CDH18: variants seen among roughly 807,000 people sequenced by gnomAD.
CDH18 encodes cadherin 18.
A neutral mutation model predicts 67.9 loss-of-function variants in CDH18; 31 were observed. The ratio of observed to expected loss-of-function variants is 0.46; its 90% confidence interval spans 0.34 to 0.62. CDH18 has a LOEUF of 0.62. Ranked by LOEUF, CDH18 falls within the 20% of genes least tolerant of loss-of-function variation. The probability of loss-of-function intolerance (pLI) is 0.01; values close to 1 mark genes in which losing one functional copy is unlikely to be tolerated. For synonymous variants in CDH18, 362 were observed against 347.2 expected (o/e 1.04, Z -0.48); for missense variants, 890 against 975.5 (o/e 0.91, Z 1.17).
intron 2 of CDH18, among the ~76,000 whole-genome samples, chr5:20,074,687 C>T (rs1743769576): frequency 6.6e-6 from 1 of 151,282 alleles, no homozygotes; most frequent in African/African-American, 2.4e-5. Flanking sequence ...ATCAGAATCT[C>T]ACCACCACAT....
intron 1 of CDH18, among the ~76,000 whole-genome samples, chr5:20,361,967 A>G (rs1742123953): frequency 6.6e-6 from 1 of 152,168 alleles, no homozygotes; most frequent in Non-Finnish European, 1.5e-5. Context: ...ATTTTAATTG[A>G]CTGTAAACCA....
intron 6 of CDH18, among the ~76,000 whole-genome samples, chr5:19,599,104 A>C (rs1746645951): frequency 6.6e-6 from 1 of 152,124 alleles, no homozygotes; most frequent in African/African-American, 2.4e-5. Context: ...TTAGTATTCT[A>C]CCATAAAAGA....
intron 6 of CDH18, among the ~76,000 whole-genome samples, chr5:19,603,683 A>C (rs556417005): frequency 6.6e-6 from 1 of 151,454 alleles, no homozygotes; most frequent in African/African-American, 2.4e-5. Context: ...CAAAATATAT[A>C]ATTATCTTCA....
chr5:19,766,158 C>T (rs866172141), intron 3 of CDH18, among the ~76,000 whole-genome samples: 2 of 152,130 alleles, frequency 1.3e-5, no homozygotes, highest in South Asian at 2.1e-4. Context: ...GGATCACAGG[C>T]GTCAGCCATC....
At chr5:19,982,145 G>A (rs1381767628) in intron 1 of CDH18, among the ~76,000 whole-genome samples, 1 of 152,040 alleles carries the variant, frequency 6.6e-6, no homozygotes, top group Non-Finnish European at 1.5e-5. Flanking sequence ...TTTACTGATT[G>A]GTCTTTGGGA....
chr5:20,192,744 G>C (rs1738647780), intron 2 of CDH18, among the ~76,000 whole-genome samples: 1 of 152,066 alleles, frequency 6.6e-6, no homozygotes, highest in South Asian at 2.1e-4. Flanking sequence ...TGCTCTTTTG[G>C]TTACAGTAGC....
chr5:19,736,711 A>T (rs1223504884), intron 4 of CDH18, among the ~76,000 whole-genome samples: 1 of 152,108 alleles, frequency 6.6e-6, no homozygotes, highest in East Asian at 1.9e-4. Context: ...TTTTCTTGGT[A>T]TCTACATGGA....
At chr5:19,542,771 G>T (rs188705018) in intron 9 of CDH18, among the ~76,000 whole-genome samples, 1 of 151,708 alleles carries the variant, frequency 6.6e-6, no homozygotes, top group Non-Finnish European at 1.5e-5. Flanking sequence ...GAGTGTGGGG[G>T]ATTATGACTA....
chr5:20,137,528 A>T (rs2126506413), intron 2 of CDH18, among the ~76,000 whole-genome samples: 1 of 152,072 alleles, frequency 6.6e-6, no homozygotes, highest in South Asian at 2.1e-4. Context: ...TGGGTTCGAA[A>T]ATCCTCCTTT....
chr5:20,234,479 T>C (rs774411199), intron 2 of CDH18, among the ~76,000 whole-genome samples: 1 of 152,126 alleles, frequency 6.6e-6, no homozygotes, highest in Non-Finnish European at 1.5e-5. Context: ...TGAAGAGACA[T>C]GAGAGCATGC....
intron 1 of CDH18, among the ~76,000 whole-genome samples, chr5:20,278,765 T>G (rs758498704): frequency 1.3e-5 from 2 of 152,106 alleles, no homozygotes; most frequent in Non-Finnish European, 2.9e-5. Flanking sequence ...TTATTTTCTT[T>G]TTGCCTATTT....
intron 7 of CDH18, among the ~76,000 whole-genome samples, chr5:19,572,277 C>T (rs1170971103): frequency 2.6e-5 from 4 of 152,128 alleles, no homozygotes; most frequent in South Asian, 2.1e-4. Flanking sequence ...GAAGGTGATT[C>T]GGAGACCAGT....
At chr5:19,843,867 G>A (rs1012923565) in intron 2 of CDH18, among the ~76,000 whole-genome samples, 5 of 152,188 alleles carry the variant, frequency 3.3e-5, no homozygotes, top group Admixed American at 2.6e-4. Flanking sequence ...TGACTGTCCC[G>A]CTAGATTTTG....
At chr5:20,548,083 G>T (rs1275574801) in intron 1 of CDH18, among the ~76,000 whole-genome samples, 3 of 151,008 alleles carry the variant, frequency 2.0e-5, no homozygotes, top group African/African-American at 7.3e-5. Flanking sequence ...ATACTATATA[G>T]GGCCATTAGT....
intron 3 of CDH18, among the ~76,000 whole-genome samples, chr5:19,815,835 C>T (rs1009887803): frequency 3.3e-5 from 5 of 151,838 alleles, no homozygotes; most frequent in Non-Finnish European, 5.9e-5. Flanking sequence ...TTTTTCCTTA[C>T]CCTCTGTTTC....
intron 5 of CDH18, among the ~76,000 whole-genome samples, chr5:19,700,380 G>A (rs1763083261): frequency 6.6e-6 from 1 of 152,104 alleles, no homozygotes; most frequent in South Asian, 2.1e-4. Context: ...ATTGTATTAT[G>A]GTGCATTGTC....
intron 6 of CDH18, among the ~76,000 whole-genome samples, chr5:19,602,819 G>A (rs571033626): frequency 1.3e-5 from 2 of 152,164 alleles, no homozygotes; most frequent in East Asian, 3.9e-4. Flanking sequence ...CAAAAAATTA[G>A]CTGGGCATGG....
chr5:19,594,183 C>T (rs752944048), intron 6 of CDH18, among the ~76,000 whole-genome samples: 2 of 151,950 alleles, frequency 1.3e-5, no homozygotes, highest in South Asian at 2.1e-4. Flanking sequence ...TTTTTTGACA[C>T]GGAATCTCAC....
chr5:19,908,981 C>T (rs1280655856), intron 2 of CDH18, among the ~76,000 whole-genome samples: 1 of 152,100 alleles, frequency 6.6e-6, no homozygotes, highest in Non-Finnish European at 1.5e-5. Flanking sequence ...TATTTTGGGC[C>T]AGCCACAGGA....
Sources: gnomAD v4.1 joint callset for allele counts (sites outside exome capture counted in the v4.1 genomes callset) on GRCh38, gnomAD v4.1.1 for gene constraint, MANE v1.5 for transcripts, NCBI Gene and HGNC (gene_info 2026-07-23, HGNC 2026-07-21) for gene names.